PTPRT: variants seen among roughly 807,000 people sequenced by gnomAD.
PTPRT encodes receptor-type tyrosine-protein phosphatase T.
Under a neutral mutation model 176.8 loss-of-function variants are expected in PTPRT, and 56 were observed. That is an observed-to-expected ratio of 0.32 (90% CI 0.26 to 0.40). PTPRT has a LOEUF of 0.40. PTPRT is among the 10% of genes least tolerant of loss of function. The pLI is 1.00. For missense variants in PTPRT, 1,540 were observed against 1,908.2 expected, an observed-to-expected ratio of 0.81 and a Z score of 3.60; for synonymous variants, 783 against 739.0, an observed-to-expected ratio of 1.06 and a Z score of -0.96.
chr20:42,184,569 T>TCTTCTTCTTCTTCTTCTTCTTCTC (rs1990671895), intron 16 of PTPRT, among the ~76,000 whole-genome samples: 1 of 135,696 alleles, frequency 7.4e-6, no homozygotes, highest in Non-Finnish European at 1.6e-5. Context: ...TTATTCTTCT[T>TCTTCTTCTTCTTCTTCTTCTTCTC]CTTCTTCTTC....
chr20:42,469,886 G>T (rs2071164502), intron 8 of PTPRT, among the ~76,000 whole-genome samples: 1 of 152,092 alleles, frequency 6.6e-6, no homozygotes, highest in South Asian at 2.1e-4. Flanking sequence ...TATTTCCCTT[G>T]TCTTCTCATG....
intron 7 of PTPRT, among the ~76,000 whole-genome samples, chr20:42,591,927 T>C (rs1447068028): frequency 6.6e-6 from 1 of 151,658 alleles, no homozygotes; most frequent in Non-Finnish European, 1.5e-5. Context: ...GTTCTTAGTC[T>C]CTGTGGCCAC....
intron 2 of PTPRT, among the ~76,000 whole-genome samples, chr20:42,819,922 A>G (rs973527110): frequency 3.3e-5 from 5 of 152,002 alleles, no homozygotes; most frequent in Non-Finnish European, 7.4e-5. Context: ...TCATAAGACA[A>G]TCTTAGAGAC....
intron 1 of PTPRT, among the ~76,000 whole-genome samples, chr20:42,989,692 C>T (rs1983783597): frequency 6.6e-6 from 1 of 152,224 alleles, no homozygotes; most frequent in Non-Finnish European, 1.5e-5. Flanking sequence ...CCACTCCCTC[C>T]TCCCTCCCTT....
intron 1 of PTPRT, among the ~76,000 whole-genome samples, chr20:43,159,444 T>C (rs2014623912): frequency 6.6e-6 from 1 of 152,176 alleles, no homozygotes; most frequent in African/African-American, 2.4e-5. Flanking sequence ...CAGTTTTCCA[T>C]CTATAAAATG....
intron 9 of PTPRT, among the ~76,000 whole-genome samples, chr20:42,424,950 G>A (rs949302357): frequency 9.9e-5 from 15 of 151,394 alleles, no homozygotes; most frequent in African/African-American, 3.6e-4. Flanking sequence ...TGACAAAAGT[G>A]TATGGAAAAA....
intron 16 of PTPRT, among the ~76,000 whole-genome samples, chr20:42,183,488 T>C (rs1215597214): frequency 6.6e-6 from 1 of 152,206 alleles, no homozygotes; most frequent in Admixed American, 6.5e-5. Flanking sequence ...AGCTATAGAT[T>C]TGTAAAATGT....
chr20:42,733,296 G>A (rs1285878624), intron 6 of PTPRT, among the ~76,000 whole-genome samples: 1 of 152,172 alleles, frequency 6.6e-6, no homozygotes, highest in Non-Finnish European at 1.5e-5. Context: ...TTTAGACGAG[G>A]GGGGTTCACT....
intron 30 of PTPRT, among the ~76,000 whole-genome samples, chr20:42,081,197 C>G (rs1174042428): frequency 6.6e-6 from 1 of 152,108 alleles, no homozygotes; most frequent in African/African-American, 2.4e-5. Context: ...GCTTCTCAAA[C>G]TGTAACGTGC....
intron 7 of PTPRT, among the ~76,000 whole-genome samples, chr20:42,593,623 G>T (rs1301772045): frequency 6.6e-6 from 1 of 152,208 alleles, no homozygotes; most frequent in African/African-American, 2.4e-5. Context: ...AGAGTGGGAA[G>T]TTGTTGCTTG....
chr20:43,029,420 C>A (rs895537632), intron 1 of PTPRT, among the ~76,000 whole-genome samples: 2 of 152,240 alleles, frequency 1.3e-5, no homozygotes, highest in Non-Finnish European at 2.9e-5. Context: ...TATGGCATCA[C>A]GCCACAAATG....
intron 6 of PTPRT, among the ~76,000 whole-genome samples, chr20:42,713,124 T>C (rs1229500812): frequency 2.0e-5 from 3 of 150,202 alleles, no homozygotes; most frequent in East Asian, 2.0e-4. Flanking sequence ...TTTGGAAAGA[T>C]ATACATACAC....
intron 8 of PTPRT, among the ~76,000 whole-genome samples, chr20:42,454,862 A>C (rs1187120336): frequency 3.9e-5 from 6 of 152,228 alleles, no homozygotes. Flanking sequence ...TGCTTACTGC[A>C]AAGTACAAAT....
chr20:42,305,422 T>C (rs916966780), intron 12 of PTPRT, among the ~76,000 whole-genome samples: 2 of 151,812 alleles, frequency 1.3e-5, no homozygotes, highest in African/African-American at 4.9e-5. Flanking sequence ...TATATACACA[T>C]ACATCTATAT....
intron 3 of PTPRT, among the ~76,000 whole-genome samples, chr20:42,786,609 T>G (rs78410438): frequency 0.034 from 5,104 of 152,242 alleles, 294 homozygotes; most frequent in African/African-American, 0.12. Context: ...AGAAATGTCC[T>G]TTCCCCCCAT....
At chr20:42,227,970 T>C (rs1468250863) in intron 15 of PTPRT, among the ~76,000 whole-genome samples, 1 of 152,128 alleles carries the variant, frequency 6.6e-6, no homozygotes, top group Non-Finnish European at 1.5e-5. Flanking sequence ...GAATTTTCTT[T>C]CTAACCACAC....
At chr20:42,918,068 C>T (rs541600708) in intron 1 of PTPRT, among the ~76,000 whole-genome samples, 75 of 152,208 alleles carry the variant, frequency 4.9e-4, no homozygotes, top group Non-Finnish European at 9.3e-4. Flanking sequence ...TCTGCTCTTT[C>T]ATCTCCTTCT....
In PTPRT at chr20:42,570,703, A is replaced by T. The variant is rs73276900; in HGVS notation, c.1154-98141T>A. Among the ~76,000 whole-genome samples the T allele has an allele frequency of 3.5e-3, 538 of 152,122 alleles. 6 individuals are homozygous for T. The highest frequency in any genetic ancestry group is 0.012 in the African/African-American group (517 of 41,502). On this transcript the variant is annotated intron_variant, in intron 7 of 30. Transcript: ENST00000373187. ...ACAACTAAATATGAGAGGGAGAGGG[A>T]AAAAAAGAGACAGGAAGAGGAGAGA...
chr20:43,013,380 C>T (rs1356666688), intron 1 of PTPRT, among the ~76,000 whole-genome samples: 1 of 152,114 alleles, frequency 6.6e-6, no homozygotes, highest in Non-Finnish European at 1.5e-5. Flanking sequence ...AGCAAACCAG[C>T]CAATCCAAGA....
Sources: gnomAD v4.1 joint callset for allele counts (sites outside exome capture counted in the v4.1 genomes callset) on GRCh38, gnomAD v4.1.1 for gene constraint, MANE v1.5 for transcripts, NCBI Gene and HGNC (gene_info 2026-07-23, HGNC 2026-07-21) for gene names.